Variants in ROBO1 observed in about 807,000 individuals in gnomAD.
ROBO1 encodes the protein roundabout homolog 1.
In ROBO1, 149 loss-of-function variants were observed where a neutral mutation model predicts 195.9. That is an observed-to-expected ratio of 0.76 (90% CI 0.67 to 0.87). The LOEUF (loss-of-function observed/expected upper bound fraction) is 0.87, where lower values mean the gene tolerates loss of function less well. Ranked by LOEUF, ROBO1 falls within the 40% of genes least tolerant of loss-of-function variation. The pLI, the probability that ROBO1 is intolerant of heterozygous loss-of-function variation, is 0.00. For missense variants in ROBO1, 1,933 were observed against 2,068.3 expected (o/e 0.93, Z 1.27); for synonymous variants, 816 against 733.2 (o/e 1.11, Z -1.82).
chr3:79,360,536 G>A (rs2035729660), intron 2 of ROBO1, among the ~76,000 whole-genome samples: 2 of 151,870 alleles, frequency 1.3e-5, no homozygotes, highest in African/African-American at 4.8e-5. Flanking sequence ...CTACAGTTTT[G>A]CATATTAATA....
chr3:79,536,013 A>T (rs368353929), intron 2 of ROBO1, among the ~76,000 whole-genome samples: 1 of 152,134 alleles, frequency 6.6e-6, no homozygotes. Context: ...CTTCCTATTA[A>T]CAATACATCT....
chr3:79,524,209 AC>A (rs11337360), intron 2 of ROBO1, among the ~76,000 whole-genome samples: 110,513 of 151,702 alleles, frequency 0.73, 41,379 homozygotes, highest in African/African-American at 0.92. Context: ...GACAGAGAGA[AC>A]CCACTATTTA....
At chr3:79,719,801 T>C (rs932178301) in intron 1 of ROBO1, among the ~76,000 whole-genome samples, 10 of 152,208 alleles carry the variant, frequency 6.6e-5, no homozygotes, top group Non-Finnish European at 7.3e-5. Flanking sequence ...CAAATACTTT[T>C]GTTGTTTATT....
intron 2 of ROBO1, among the ~76,000 whole-genome samples, chr3:79,243,543 G>A (rs2082563934): frequency 6.6e-6 from 1 of 151,980 alleles, no homozygotes; most frequent in Admixed American, 6.6e-5. Context: ...GTGTGAGATG[G>A]TATCTCACTG....
At chr3:79,007,846 AAGCACAGGGAATGAG>A (rs1357102733) in intron 3 of ROBO1, among the ~76,000 whole-genome samples, 1 of 152,198 alleles carries the variant, frequency 6.6e-6, no homozygotes, top group Non-Finnish European at 1.5e-5. Flanking sequence ...TAAATTCCTT[AAGCACAGGGAATGAG>A]CATTTTTTTC....
intron 3 of ROBO1, among the ~76,000 whole-genome samples, chr3:79,043,583 T>C (rs1168792108): frequency 2.6e-5 from 4 of 152,028 alleles, no homozygotes; most frequent in Non-Finnish European, 2.9e-5. Flanking sequence ...AGATTCTGTA[T>C]TTCTTGCAAA....
At chr3:79,745,227 T>C (rs1390223934) in intron 1 of ROBO1, among the ~76,000 whole-genome samples, 2 of 152,160 alleles carry the variant, frequency 1.3e-5, no homozygotes, top group Non-Finnish European at 2.9e-5. Flanking sequence ...ACTGAGACCA[T>C]ATTCTTCAAC....
At chr3:79,484,530 A>G (rs1939045666) in intron 2 of ROBO1, among the ~76,000 whole-genome samples, 1 of 151,934 alleles carries the variant, frequency 6.6e-6, no homozygotes, top group Non-Finnish European at 1.5e-5. Flanking sequence ...TATGGTGATA[A>G]AACGATTGAA....
At chr3:79,672,220 G>C (rs563786182) in intron 1 of ROBO1, among the ~76,000 whole-genome samples, 1 of 152,054 alleles carries the variant, frequency 6.6e-6, no homozygotes, top group East Asian at 1.9e-4. Flanking sequence ...ATTTCTGAAT[G>C]AATTGTTCAC....
intron 3 of ROBO1, among the ~76,000 whole-genome samples, chr3:79,006,771 A>G (rs1158887814): frequency 1.3e-5 from 2 of 151,710 alleles, no homozygotes; most frequent in South Asian, 4.2e-4. Context: ...AAAAAAAAAA[A>G]AAAAACAGAC....
intron 4 of ROBO1, among the ~76,000 whole-genome samples, chr3:78,884,582 A>T (rs1053935534): frequency 3.3e-5 from 5 of 150,222 alleles, no homozygotes; most frequent in Non-Finnish European, 5.9e-5. Context: ...AGAAAGAGAG[A>T]AAGGGAGAAA....
At position 78,631,250 on chromosome 3, in the gene ROBO1, G is replaced by A. The variant is rs62260388; in HGVS notation, c.3537C>T (p.Gly1179=). The A allele has an allele frequency of 6.2e-7, 1 of 1,613,480 alleles. No individual in the cohort carries two copies. Among genetic ancestry groups the A allele is most frequent in the East Asian group, 2.2e-5 (1 of 44,792 alleles). ...GAGGAAGCAGGTCTGCCCAGTTCAT[G>A]CCACCCTGTTTTGGTACCTTGGGTG... ...ARTPKVPKQG[G]MNWADLLPPP... Residue 1179 remains glycine (G), a synonymous_variant, in exon 25 of 31, where the codon GGC becomes GGT. Coordinates refer to ENST00000464233, the MANE Select transcript of ROBO1 (RefSeq NM_002941.4).
At position 79,728,519 on chromosome 3, in the gene ROBO1, A is replaced by G. The variant is rs62257295; in HGVS notation, c.-51+39233T>C. ...AATAAGTAGAAGTGTAAAAGGTGAA[A>G]TATTTGTAAACCAACTACAACAAAC... On this transcript the variant is annotated intron_variant, in intron 1 of 30. Coordinates refer to ENST00000464233, the MANE Select transcript of ROBO1 (RefSeq NM_002941.4). 8.8e-3 allele frequency among the ~76,000 whole-genome samples: 1,347 copies of G among 152,316 alleles called. 12 individuals are homozygous for G. The highest frequency in any genetic ancestry group is 0.015 in the Non-Finnish European group (1,030 of 68,006).
At chr3:79,411,792 A>G (rs945850027) in intron 2 of ROBO1, among the ~76,000 whole-genome samples, 10 of 152,176 alleles carry the variant, frequency 6.6e-5, no homozygotes, top group Non-Finnish European at 1.2e-4. Context: ...GTGAAAAATT[A>G]TTTTTAAGTT....
chr3:79,720,225 T>G (rs1182071223), intron 1 of ROBO1, among the ~76,000 whole-genome samples: 1 of 152,176 alleles, frequency 6.6e-6, no homozygotes, highest in African/African-American at 2.4e-5. Flanking sequence ...TTTTGCAGCT[T>G]CTGCCTTGGC....
At chr3:79,234,046 T>A (rs2082364859) in intron 2 of ROBO1, among the ~76,000 whole-genome samples, 1 of 152,156 alleles carries the variant, frequency 6.6e-6, no homozygotes, top group African/African-American at 2.4e-5. Flanking sequence ...GTTTTTTGCT[T>A]ATTCAATTGT....
At chr3:78,781,697 T>C (rs1371420628) in intron 4 of ROBO1, among the ~76,000 whole-genome samples, 1 of 141,802 alleles carries the variant, frequency 7.1e-6, no homozygotes, top group Non-Finnish European at 1.6e-5. Flanking sequence ...TCTTGATTCA[T>C]ACTATCTAGA....
At chr3:78,600,584 A>G (rs1266584676) in intron 29 of ROBO1, among the ~76,000 whole-genome samples, 7 of 152,188 alleles carry the variant, frequency 4.6e-5, no homozygotes, top group Non-Finnish European at 4.4e-5. Flanking sequence ...CAATATCATT[A>G]AAAGAGGTAA....
chr3:79,203,991 T>C (rs570463270), intron 2 of ROBO1, among the ~76,000 whole-genome samples: 1 of 152,336 alleles, frequency 6.6e-6, no homozygotes, highest in South Asian at 2.1e-4. Flanking sequence ...TGCTGTGATA[T>C]TGAGTGCATG....
Sources: allele counts gnomAD v4.1 joint callset (sites outside exome capture counted in the v4.1 genomes callset), GRCh38; gene constraint gnomAD v4.1.1; transcripts MANE v1.5; gene names NCBI Gene and HGNC (gene_info 2026-07-23, HGNC 2026-07-21).